PRDM4: variants seen among roughly 807,000 people sequenced by gnomAD.
The protein encoded by PRDM4 is PR/SET domain 4.
Under a neutral mutation model 62.3 loss-of-function variants are expected in PRDM4, and 38 were observed. The ratio of observed to expected loss-of-function variants is 0.61; its 90% CI spans 0.47 to 0.80. The LOEUF is 0.80. PRDM4 is among the 30% of genes least tolerant of loss of function. The probability of loss-of-function intolerance (pLI) is 0.00; values close to 1 mark genes in which losing one functional copy is unlikely to be tolerated. For synonymous variants in PRDM4, 339 were observed against 348.2 expected, an observed-to-expected ratio of 0.97 and a Z score of 0.30; for missense variants, 858 against 997.1, an observed-to-expected ratio of 0.86 and a Z score of 1.88.
At chr12:107,734,796 C>T (rs1278035245) in intron 11 of PRDM4, among the ~76,000 whole-genome samples, 1 of 152,148 alleles carries the variant, frequency 6.6e-6, no homozygotes, top group African/African-American at 2.4e-5. Context: ...CAGTATGATG[C>T]TCATAAAATT....
rs2136310855 is a variant in PRDM4 at position 107,739,551 on chromosome 12, C to A, written c.1925G>T (p.Gly642Val). 6.2e-7 allele frequency: 1 copy of A among 1,612,646 alleles called. No individual in the cohort carries two copies. The highest frequency in any genetic ancestry group is 8.5e-7 in the Non-Finnish European group (1 of 1,179,196). The change falls in exon 11 of 12, where the codon GGT (glycine) becomes GTT (valine). Residue 642 changes from glycine (G) to valine (V), a missense_variant and splice_region_variant. This residue lies in a region of PRDM4 where 355 missense variants were observed against 432.6 expected (regional missense o/e 0.82). Coordinates refer to ENST00000228437, the MANE Select transcript of PRDM4 (RefSeq NM_012406.4). Reference protein sequence around the residue: ...NLRTHLKIHTGQKNYRCTLCD... With the variant: ...NLRTHLKIHTVQKNYRCTLCD... ...CAAGGTACACCTGTAGTTCTTCTGA[C>A]CTGCAATCAGCCCAAAGTATTACAC...
chr12:107,739,388 G>A lies in PRDM4; in HGVS notation c.2088C>T (p.His696=), dbSNP rs1890441574. Residue 696 remains histidine, a synonymous_variant, in exon 11 of 12, where the codon CAC becomes CAT. Coordinates refer to ENST00000228437, the MANE Select transcript of PRDM4 (RefSeq NM_012406.4). The part of the protein sequence containing the change: ...RQDLKQHVLI[H]TQERQIKCPK... ...TTGGCTGCAGGGTAACTTACTGAGT[G>A]TGGATGAGCACGTGCTGCTTGAGGT... The A allele has an allele frequency of 6.2e-7, 1 of 1,613,100 alleles. No homozygotes were observed. The highest frequency in any genetic ancestry group is 1.3e-5 in the African/African-American group (1 of 75,042).
Position 107,743,228 on chromosome 12 carries a change from A to C in PRDM4, c.1450T>G (p.Cys484Gly). Residue 484 changes from cysteine to glycine, a missense_variant, in exon 8 of 12, where the codon TGT becomes GGT. Coordinates refer to ENST00000228437, the MANE Select transcript of PRDM4 (RefSeq NM_012406.4). ...FCIITTDENE[C>G]NWMMFVRKAR... ...TTGCGCACAAACATCATCCAATTAC[A>C]TTCATTTTCATCAGTTGTAATGATG... 1.9e-6 allele frequency: 3 copies of C among 1,613,562 alleles called. No individual in the cohort carries two copies. The highest frequency in any genetic ancestry group is 2.5e-6 in the Non-Finnish European group (3 of 1,179,492).
At chr12:107,741,792 G>C (rs765507268) in intron 9 of PRDM4, among the ~76,000 whole-genome samples, 3 of 152,136 alleles carry the variant, frequency 2.0e-5, no homozygotes, top group Non-Finnish European at 4.4e-5. Context: ...GGATTATAAG[G>C]CCTCTTTTGT....
chr12:107,749,326 A>G (rs1890819453), intron 5 of PRDM4, among the ~76,000 whole-genome samples: 1 of 152,076 alleles, frequency 6.6e-6, no homozygotes, highest in Non-Finnish European at 1.5e-5. Flanking sequence ...ACTCCTCCCA[A>G]AATAATAAAA....
In PRDM4 at chr12:107,746,411, A is replaced by G; in HGVS notation, c.1140T>C (p.Cys380=). 2 of 1,606,790 alleles carry G rather than the reference A, an allele frequency of 1.2e-6. No individual in the cohort carries two copies. The highest frequency in any genetic ancestry group is 2.2e-5 in the South Asian group (2 of 89,640). The change falls in exon 6 of 12, where the codon TGT becomes TGC. Residue 380 remains cysteine (C), a synonymous_variant. Transcript: ENST00000228437. ...ATLFTIWCTL[C]DRAYPSDCPE... ...GACAGTCCGAGGGATAGGCGCGGTC[A>G]CACAGAGTACACCCTGTAGATGGCA...
Position 107,746,396 on chromosome 12 carries a change from G to A in PRDM4, c.1155C>T (p.Pro385=). ...CTGGTCCATGTTCGGGACAGTCCGA[G>A]GGATAGGCGCGGTCACACAGAGTAC... ...IWCTLCDRAY[P]SDCPEHGPVT... The change falls in exon 6 of 12, where the codon CCC becomes CCT. Residue 385 remains proline (P), a synonymous_variant. Coordinates refer to ENST00000228437, the MANE Select transcript of PRDM4 (RefSeq NM_012406.4). 1 of 1,611,674 alleles carries A rather than the reference G, an allele frequency of 6.2e-7. No individual in the cohort carries two copies. Among genetic ancestry groups the A allele is most frequent in the Non-Finnish European group, 8.5e-7 (1 of 1,178,748 alleles).
intron 4 of PRDM4, 148 bp from the exon 5 acceptor site, chr12:107,752,357 A>G (rs984970911): frequency 3.0e-6 from 2 of 671,680 alleles, no homozygotes; most frequent in African/African-American, 3.6e-5. Context: ...TTTTATAAAT[A>G]GCAACATACA....
At chr12:107,748,129 G>T (rs1301150956) in intron 5 of PRDM4, among the ~76,000 whole-genome samples, 1 of 152,036 alleles carries the variant, frequency 6.6e-6, no homozygotes, top group East Asian at 1.9e-4. Flanking sequence ...CAGTGAGGCT[G>T]AGATTGCGCT....
At chr12:107,757,904 TATATC>T (rs1388939051) in intron 2 of PRDM4, among the ~76,000 whole-genome samples, 4 of 152,172 alleles carry the variant, frequency 2.6e-5, no homozygotes, top group African/African-American at 9.7e-5. Flanking sequence ...TATTAGTTCT[TATATC>T]ATAATTTAGA....
In PRDM4 at chr12:107,751,551, G is replaced by C; in HGVS notation, c.990C>G (p.Ser330=). ...VGLSLEPVAV[S]SITQEVAMGT... is the part of the protein sequence containing the mutation. Reference sequence around the variant, plus strand: ...CCATAGCAACCTCCTGGGTGATGGAGGAGACAGCCACAGGTTCTAGGCTGA... The same window carrying C: ...CCATAGCAACCTCCTGGGTGATGGACGAGACAGCCACAGGTTCTAGGCTGA... The change falls in exon 5 of 12, where the codon TCC becomes TCG. Residue 330 remains serine (S), a synonymous_variant. Transcript: ENST00000228437. The C allele has an allele frequency of 6.2e-7, 1 of 1,612,698 alleles. No homozygotes were observed. The highest frequency in any genetic ancestry group is 1.1e-5 in the South Asian group (1 of 91,054).
chr12:107,747,208 G>C (rs988789349), intron 5 of PRDM4, among the ~76,000 whole-genome samples: 4 of 152,016 alleles, frequency 2.6e-5, no homozygotes, highest in Non-Finnish European at 5.9e-5. Context: ...TAAGTAGATC[G>C]TACATTTAGG....
chr12:107,749,714 C>T (rs1353910542), intron 5 of PRDM4, among the ~76,000 whole-genome samples: 3 of 152,120 alleles, frequency 2.0e-5, no homozygotes, highest in Non-Finnish European at 4.4e-5. Flanking sequence ...CATCACCTTT[C>T]CCATAAATTA....
At chr12:107,735,407 G>A (rs1890296333) in intron 11 of PRDM4, among the ~76,000 whole-genome samples, 1 of 152,048 alleles carries the variant, frequency 6.6e-6, no homozygotes, top group Non-Finnish European at 1.5e-5. Context: ...GTACATAATG[G>A]TATCTCATTA....
intron 11 of PRDM4, chr12:107,736,719 G>C (rs1890342087): frequency 6.6e-6 from 1 of 152,290 alleles, no homozygotes; most frequent in Non-Finnish European, 1.5e-5. Flanking sequence ...CTGTGTTGCG[G>C]AGTAGATGAG....
chr12:107,734,528 A>T lies in PRDM4; in HGVS notation c.2094-6T>A. ...GACACTTGATCTGGCGTTCTCTAAG[A>T]GGAACACAAGAAAAAACATTTGATT... On this transcript the variant is annotated splice_polypyrimidine_tract_variant and splice_region_variant and intron_variant, in intron 11 of 11. Coordinates refer to ENST00000228437, the MANE Select transcript of PRDM4 (RefSeq NM_012406.4). 6.2e-7 allele frequency: 1 copy of T among 1,601,364 alleles called. No homozygotes were observed. Among genetic ancestry groups the T allele is most frequent in the Non-Finnish European group, 8.5e-7 (1 of 1,173,620 alleles).
At chr12:107,751,356 T>A in intron 5 of PRDM4, 59 bp downstream of exon 5, 3 of 1,498,706 alleles carry the variant, frequency 2.0e-6, no homozygotes, top group Non-Finnish European at 2.7e-6. Context: ...ACTTAACTTG[T>A]TAGGGATGGT....
intron 11 of PRDM4, chr12:107,738,607 C>T (rs1010808394): frequency 6.6e-6 from 1 of 152,204 alleles, no homozygotes; most frequent in African/African-American, 2.4e-5. Context: ...ACCACTGTGA[C>T]TAATGCAGTC....
chr12:107,734,603 GC>G, intron 11 of PRDM4, 81 bp from the exon 12 acceptor site: 2 of 1,347,288 alleles, frequency 1.5e-6, no homozygotes, highest in Admixed American at 4.1e-5. Context: ...ATAGCCGCAG[GC>G]CTTTGTCAGA....
Sources: gnomAD v4.1 joint callset for allele counts (sites outside exome capture counted in the v4.1 genomes callset) on GRCh38, gnomAD v4.1.1 for gene constraint, gnomAD v4.1.1 regional missense constraint, MANE v1.5 for transcripts, NCBI Gene and HGNC (gene_info 2026-07-23, HGNC 2026-07-21) for gene names.